Variants in UPF3B observed in about 807,000 individuals in gnomAD.
The protein encoded by UPF3B is UPF3B regulator of nonsense mediated mRNA decay.
A neutral mutation model predicts 40.3 loss-of-function variants in UPF3B; 7 were observed. The observed-to-expected ratio is 0.17, with a 90% CI of 0.10 to 0.33. UPF3B has a LOEUF of 0.33. UPF3B is among the 10% of genes least tolerant of loss of function. The pLI, the probability that UPF3B is intolerant of heterozygous loss-of-function variation, is 1.00. For missense variants in UPF3B, 229 were observed against 358.9 expected (o/e 0.64, Z 2.93); for synonymous variants, 117 against 117.3 (o/e 1.00, Z 0.01).
At chrX:119,808,416 G>A (rs1463642829) in intron 5 of UPF3B, among the ~76,000 whole-genome samples, 1 of 97,264 alleles carries the variant, frequency 1.0e-5, no homozygotes, top group Non-Finnish European at 2.1e-5. Context: ...GCAGCTTAGG[G>A]GCAAGAGGCT....
At chrX:119,823,188 GC>G in intron 3 of UPF3B, 1 of 137,091 alleles carries the variant, frequency 7.3e-6, no homozygotes, top group Non-Finnish European at 1.3e-5. Context: ...ATGACAACTT[GC>G]CCACTTCCTC....
intron 5 of UPF3B, among the ~76,000 whole-genome samples, chrX:119,842,922 G>A (rs933495822): frequency 7.1e-5 from 8 of 111,909 alleles, no homozygotes; most frequent in Non-Finnish European, 1.3e-4. Context: ...ACCTTCAAAG[G>A]CTTACCACTG....
intron 3 of UPF3B, among the ~76,000 whole-genome samples, chrX:119,827,672 G>A (rs1191645869): frequency 9.0e-6 from 1 of 111,726 alleles, no homozygotes; most frequent in African/African-American, 3.2e-5. Context: ...TGGGATTGTA[G>A]GCGCGAGCTA....
chrX:119,815,550 T>C (rs2055858012), intron 4 of UPF3B, among the ~76,000 whole-genome samples: 1 of 111,519 alleles, frequency 9.0e-6, no homozygotes, highest in Non-Finnish European at 1.9e-5. Context: ...CATGGTCTCA[T>C]TTTGTCACTC....
chrX:119,806,749 C>T lies in UPF3B; in HGVS notation c.*11+726G>A, dbSNP rs141544268. ...TGCAATAAAACTAGATTGGAATGGA[C>T]GGGCACGGTGGCTCATACCTGTAAT... On this transcript the variant is annotated intron_variant, in intron 6 of 6. Coordinates refer to the UPF3B transcript ENST00000636792. Among the ~76,000 whole-genome samples the T allele has an allele frequency of 2.5e-4, 28 of 110,694 alleles. No homozygotes were observed. The East Asian group carries it at 7.4e-3, about 29-fold the overall frequency.
At chrX:119,828,320 C>A (rs915647307) in intron 3 of UPF3B, among the ~76,000 whole-genome samples, 3 of 112,193 alleles carry the variant, frequency 2.7e-5, no homozygotes, top group African/African-American at 9.7e-5. Context: ...CTGCCTTGGC[C>A]TCCCAAAGTG....
chrX:119,836,720 G>A (rs1008773731), intron 10 of UPF3B, among the ~76,000 whole-genome samples: 6 of 105,863 alleles, frequency 5.7e-5, no homozygotes, highest in Non-Finnish European at 7.8e-5. Context: ...ACGCGATCTC[G>A]GCTCACTGCA....
chrX:119,837,333 T>C (rs1353953215), intron 10 of UPF3B, among the ~76,000 whole-genome samples: 1 of 109,018 alleles, frequency 9.2e-6, no homozygotes, highest in African/African-American at 3.3e-5. Context: ...AAATAAAAGT[T>C]GGTCAGGCGT....
At chrX:119,813,395 G>A (rs1327176144) in intron 5 of UPF3B, among the ~76,000 whole-genome samples, 4 of 109,460 alleles carry the variant, frequency 3.7e-5, no homozygotes, top group Non-Finnish European at 5.7e-5. Flanking sequence ...CCTCCTCCCC[G>A]CACTCACTCT....
At chrX:119,817,228 C>G (rs931765938) in intron 4 of UPF3B, among the ~76,000 whole-genome samples, 6 of 111,552 alleles carry the variant, frequency 5.4e-5, no homozygotes, top group African/African-American at 2.0e-4. Flanking sequence ...CTTGGTATCC[C>G]AAAGCTGGGA....
chrX:119,841,406 A>G, intron 6 of UPF3B, 148 bp from the exon 7 acceptor site: 4 of 955,245 alleles, frequency 4.2e-6, no homozygotes, highest in Non-Finnish European at 5.7e-6. Context: ...TCCCCACTCC[A>G]CCCAGAAAAC....
chrX:119,849,030 C>G (rs2056269205), intron 3 of UPF3B, among the ~76,000 whole-genome samples: 1 of 111,985 alleles, frequency 8.9e-6, no homozygotes, highest in Non-Finnish European at 1.9e-5. Flanking sequence ...CACAAGCACC[C>G]TGTCACAGAA....
chrX:119,844,297 C>T (rs1408984482), intron 4 of UPF3B, among the ~76,000 whole-genome samples: 3 of 111,109 alleles, frequency 2.7e-5, no homozygotes, highest in Non-Finnish European at 5.7e-5. Flanking sequence ...CAACTCTGCC[C>T]GCCTTGGCCT....
At chrX:119,833,428 T>C (rs1017121724), downstream of UPF3B, among the ~76,000 whole-genome samples, 1 of 111,709 alleles carries the variant, frequency 9.0e-6, no homozygotes, top group Non-Finnish European at 1.9e-5. Context: ...TAGCCTTGAC[T>C]TCCCAGACTG....
At chrX:119,850,890 C>T (rs7054989) in intron 3 of UPF3B, among the ~76,000 whole-genome samples, 4,194 of 111,669 alleles carry the variant, frequency 0.038, 210 homozygotes, top group African/African-American at 0.13. Context: ...AGGCGTGGAC[C>T]GCCACGCCTG....
rs750597267 is a variant in UPF3B at position 119,851,727 on chromosome X, C to T, written c.263+40G>A. On this transcript the variant is annotated intron_variant, in intron 2 of 10. Transcript: ENST00000276201. ...AGTAGGATAAAAAGAATGAAAGAAA[C>T]CTTTTTCATTTACCCCTTTCCTTTT... The T allele has an allele frequency of 1.9e-5, 18 of 925,010 alleles. No individual in the cohort carries two copies. In the Admixed American group the frequency reaches 3.0e-4, roughly 15 times the overall value. The allele number at this position is 925,010 out of a possible 1,213,427, so 76.2% of individuals were successfully genotyped here. A position where few individuals can be genotyped will look rare whatever the true frequency, so the allele number is the denominator to read the frequency against.
intron 1 of UPF3B, among the ~76,000 whole-genome samples, chrX:119,852,565 CCT>C (rs947220625): frequency 8.9e-6 from 1 of 112,881 alleles, no homozygotes; most frequent in African/African-American, 3.2e-5. Context: ...TGGGGAGTCC[CCT>C]CTTTTCCTCA....
chrX:119,852,949 CG>C lies in UPF3B; in HGVS notation c.-22del. On this transcript the variant is annotated 5_prime_UTR_variant, in exon 1 of 11. Transcript: ENST00000276201. ...TTCATGGCTACGTCCCCCGCTGAAG[CG>C]GCTTGGCCGGAACGGGGTTACCCCG... 1 of 1,211,895 alleles carries C rather than the reference CG, an allele frequency of 8.3e-7. No individual in the cohort carries two copies. The highest frequency in any genetic ancestry group is 1.1e-6 in the Non-Finnish European group (1 of 895,438).
intron 9 of UPF3B, 74 bp downstream of exon 9, chrX:119,838,293 G>T: frequency 9.0e-7 from 1 of 1,112,995 alleles, no homozygotes; most frequent in Non-Finnish European, 1.2e-6. Flanking sequence ...TCTTAATTCA[G>T]GTACATGTCC....
Sources: gnomAD v4.1 joint callset for allele counts (sites outside exome capture counted in the v4.1 genomes callset) on GRCh38, gnomAD v4.1.1 for gene constraint, MANE v1.5 for transcripts, NCBI Gene and HGNC (gene_info 2026-07-23, HGNC 2026-07-21) for gene names.